The following DSCAM variants were observed in gnomAD, a reference collection of about 807,000 sequenced individuals.
The protein encoded by DSCAM is DS cell adhesion molecule, also known as cell adhesion molecule DSCAM.
In DSCAM, 47 loss-of-function variants were observed where a neutral mutation model predicts 217.7. That is an observed-to-expected ratio of 0.22 (90% CI 0.17 to 0.28). The LOEUF (loss-of-function observed/expected upper bound fraction) is 0.28. Ranked by LOEUF, DSCAM falls within the 10% of genes least tolerant of loss-of-function variation. The probability of loss-of-function intolerance (pLI) is 1.00; values close to 1 mark genes in which losing one functional copy is unlikely to be tolerated. For synonymous variants in DSCAM, 1,056 were observed against 1,015.3 expected (o/e 1.04, Z -0.76); for missense variants, 2,080 against 2,618.3 (o/e 0.79, Z 4.49).
chr21:40,802,594 G>C (rs1569043669), intron 1 of DSCAM, among the ~76,000 whole-genome samples: 1 of 152,196 alleles, frequency 6.6e-6, no homozygotes. Flanking sequence ...ATTTGGTCAT[G>C]AGGGCATAGC....
intron 15 of DSCAM, among the ~76,000 whole-genome samples, chr21:40,175,334 G>A (rs944678805): frequency 9.2e-5 from 14 of 152,056 alleles, no homozygotes; most frequent in Admixed American, 7.2e-4. Context: ...GGCTGGTCTC[G>A]AACTCCTGAC....
chr21:40,612,790 T>C (rs151073826), intron 3 of DSCAM, among the ~76,000 whole-genome samples: 58 of 152,246 alleles, frequency 3.8e-4, no homozygotes, highest in African/African-American at 1.4e-3. Context: ...AACCAGAATG[T>C]GGCAGGAATA....
chr21:40,434,943 G>C (rs540064183), intron 3 of DSCAM, among the ~76,000 whole-genome samples: 4 of 152,114 alleles, frequency 2.6e-5, no homozygotes, highest in African/African-American at 9.7e-5. Context: ...AGTAGGAAAC[G>C]AAGAAAGAAC....
At chr21:40,590,954 C>T (rs2076979748) in intron 3 of DSCAM, among the ~76,000 whole-genome samples, 1 of 151,928 alleles carries the variant, frequency 6.6e-6, no homozygotes, top group African/African-American at 2.4e-5. Flanking sequence ...TTGGCCGTGT[C>T]CCCACCCAAA....
chr21:40,563,187 T>TG (rs911773619), intron 3 of DSCAM, among the ~76,000 whole-genome samples: 1 of 151,784 alleles, frequency 6.6e-6, no homozygotes, highest in Non-Finnish European at 1.5e-5. Context: ...CCAACTGTCT[T>TG]GGTTTGTCCA....
chr21:40,580,359 C>G (rs1198048106), intron 3 of DSCAM, among the ~76,000 whole-genome samples: 2 of 151,862 alleles, frequency 1.3e-5, no homozygotes, highest in Non-Finnish European at 2.9e-5. Context: ...ATGGTGAAAC[C>G]CCGTCTCTAC....
rs770259757 is a variant in DSCAM at position 40,142,669 on chromosome 21, C to T, written c.3295G>A (p.Ala1099Thr). Residue 1099 changes from alanine to threonine, a missense_variant, in exon 18 of 33, where the codon GCA becomes ACA. Physicochemically the swap from Ala to Thr is moderately conservative, Grantham distance 58. Transcript: ENST00000400454. ...SYPPENVQAI[A>T]TSPESISISW... The stretch of plus-strand genomic sequence containing the variant: ...ATTGATATGCTTTCTGGTGATGTTG[C>T]TATGGCTTGGACATTTTCGGGGGGG... 1 of 1,614,092 alleles carries T rather than the reference C, an allele frequency of 6.2e-7. No homozygotes were observed. Among genetic ancestry groups the T allele is most frequent in the Non-Finnish European group, 8.5e-7 (1 of 1,180,016 alleles).
intron 9 of DSCAM, among the ~76,000 whole-genome samples, chr21:40,297,213 T>C (rs1184260483): frequency 2.0e-5 from 3 of 152,152 alleles, no homozygotes; most frequent in Admixed American, 1.3e-4. Flanking sequence ...TAAAGAACCA[T>C]CCCTACCTAA....
intron 11 of DSCAM, among the ~76,000 whole-genome samples, chr21:40,213,195 C>A (rs1209044590): frequency 1.3e-5 from 2 of 152,192 alleles, no homozygotes; most frequent in African/African-American, 4.8e-5. Flanking sequence ...CTTATTATTT[C>A]ACATTTTTAA....
At chr21:40,254,543 T>G (rs947403615) in intron 11 of DSCAM, among the ~76,000 whole-genome samples, 5 of 152,178 alleles carry the variant, frequency 3.3e-5, no homozygotes, top group African/African-American at 1.2e-4. Context: ...AGGTCTCACC[T>G]CCAGAAAACT....
chr21:40,614,969 T>G (rs2146285343), intron 3 of DSCAM, among the ~76,000 whole-genome samples: 1 of 151,506 alleles, frequency 6.6e-6, no homozygotes, highest in African/African-American at 2.4e-5. Flanking sequence ...TTATATACAT[T>G]ATGTATATAT....
At chr21:40,304,119 C>T (rs1366051067) in intron 9 of DSCAM, among the ~76,000 whole-genome samples, 6 of 152,204 alleles carry the variant, frequency 3.9e-5, no homozygotes, top group Admixed American at 2.6e-4. Context: ...CTCTTATTGG[C>T]TCATACATAA....
intron 4 of DSCAM, among the ~76,000 whole-genome samples, chr21:40,362,704 G>A (rs2074780909): frequency 6.6e-6 from 1 of 152,136 alleles, no homozygotes; most frequent in African/African-American, 2.4e-5. Context: ...TACATTTAGT[G>A]GTTGTTGTCT....
At chr21:40,216,804 T>TC (rs1302643581) in intron 11 of DSCAM, among the ~76,000 whole-genome samples, 1 of 152,112 alleles carries the variant, frequency 6.6e-6, no homozygotes, top group Non-Finnish European at 1.5e-5. Context: ...CTGCCCTACC[T>TC]CCCCCCTGGA....
At chr21:40,749,117 G>T (rs975164006) in intron 1 of DSCAM, among the ~76,000 whole-genome samples, 22 of 152,084 alleles carry the variant, frequency 1.4e-4, no homozygotes, top group African/African-American at 5.1e-4. Flanking sequence ...CCATAACTAT[G>T]AAACTACTAG....
chr21:40,194,423 T>C (rs1361503187), intron 11 of DSCAM, among the ~76,000 whole-genome samples: 1 of 152,180 alleles, frequency 6.6e-6, no homozygotes, highest in Non-Finnish European at 1.5e-5. Flanking sequence ...CAGCCCTTTT[T>C]GCGAGGATTT....
chr21:40,137,180 A>G (rs548074395), intron 18 of DSCAM, among the ~76,000 whole-genome samples: 5 of 65,342 alleles, frequency 7.7e-5, no homozygotes, highest in African/African-American at 1.1e-4. Context: ...GTCTCAAGGA[A>G]AAAAAAAAAA....
chr21:40,418,142 C>T (rs771581833), intron 3 of DSCAM, among the ~76,000 whole-genome samples: 17 of 152,000 alleles, frequency 1.1e-4, no homozygotes, highest in East Asian at 1.9e-4. Context: ...CAGTTGTGTT[C>T]GGCAGGAGAT....
chr21:40,493,571 T>C (rs932508803), intron 3 of DSCAM, among the ~76,000 whole-genome samples: 4 of 151,948 alleles, frequency 2.6e-5, no homozygotes, highest in African/African-American at 7.2e-5. Flanking sequence ...ACATCAAAAA[T>C]AGAAAACTGG....
Sources: gnomAD v4.1 joint callset for allele counts (sites outside exome capture counted in the v4.1 genomes callset) on GRCh38, gnomAD v4.1.1 for gene constraint, MANE v1.5 for transcripts, NCBI Gene and HGNC (gene_info 2026-07-23, HGNC 2026-07-21) for gene names.